The following NEMP2 variants were observed in gnomAD, a reference collection of about 807,000 sequenced individuals.
The protein encoded by NEMP2 is UPF0571 transmembrane protein.
NEMP2 carries 53 observed loss-of-function variants against 54.2 expected under a neutral mutation model. The ratio of observed to expected loss-of-function variants is 0.98; its 90% CI spans 0.78 to 1.23. The LOEUF (loss-of-function observed/expected upper bound fraction) is 1.23, where lower values mean the gene tolerates loss of function less well. NEMP2 is among the 50% of genes most tolerant of loss of function. The pLI is 0.00. For synonymous variants in NEMP2, 197 were observed against 190.3 expected (o/e 1.04, Z -0.29); for missense variants, 455 against 511.3 (o/e 0.89, Z 1.06).
At chr2:190,588,260 T>C in the NEMP2 span, among the ~76,000 whole-genome samples, 3 of 152,188 alleles carry the variant, frequency 2.0e-5, no homozygotes, top group African/African-American at 7.2e-5. The surrounding 1 kb of genome is among the most constrained non-coding windows in gnomAD (Gnocchi z 5.0). Flanking sequence ...GAACCAGAGA[T>C]GAGGCATTGA....
chr2:190,538,777 C>G (rs1691457186), upstream of NEMP2, among the ~76,000 whole-genome samples: 1 of 152,076 alleles, frequency 6.6e-6, no homozygotes, highest in South Asian at 2.1e-4. This position sits in a 1 kb window ranked among gnomAD's most constrained non-coding sequence, Gnocchi z 4.1. Flanking sequence ...AATGTCTATT[C>G]AGATCTTTTG....
chr2:190,490,627 A>G, the NEMP2 span, among the ~76,000 whole-genome samples: 204 of 152,290 alleles, frequency 1.3e-3, no homozygotes, highest in Non-Finnish European at 2.3e-3. This position sits in a 1 kb window ranked among gnomAD's most constrained non-coding sequence, Gnocchi z 4.5. Flanking sequence ...TCTCTGAACC[A>G]GGGATGCCTT....
chr2:190,514,413 C>T lies in NEMP2; in HGVS notation c.953+40G>A, dbSNP rs1355648893. The T allele has an allele frequency of 2.0e-6, 3 of 1,502,628 alleles. No homozygotes were observed. The African/African-American group carries it at 4.2e-5, about 21-fold the overall frequency. The allele number at this position is 1,502,628 out of a possible 1,614,324, so 93.1% of individuals were successfully genotyped here. Reference sequence around the variant, plus strand: ...TCTCCCAAATAATAAAACTAGAGCTCAAAATGTCAAATTTGCTGGGGGAAA... The same window carrying T: ...TCTCCCAAATAATAAAACTAGAGCTTAAAATGTCAAATTTGCTGGGGGAAA... On this transcript the variant is annotated intron_variant, in intron 7 of 8. Transcript: ENST00000409150. The surrounding 1 kb of genome is among the most constrained non-coding windows in gnomAD (Gnocchi z 5.7).
chr2:190,565,154 TA>T, the NEMP2 span, among the ~76,000 whole-genome samples: 4 of 141,932 alleles, frequency 2.8e-5, no homozygotes, highest in Non-Finnish European at 6.5e-5. Flanking sequence ...CAGGAGGAAA[TA>T]CGAATTTTTT....
chr2:190,574,639 C>T, the NEMP2 span, among the ~76,000 whole-genome samples: 1 of 152,076 alleles, frequency 6.6e-6, no homozygotes, highest in Non-Finnish European at 1.5e-5. Context: ...CATCACCTGA[C>T]CTGTCCCCCA....
the NEMP2 span, among the ~76,000 whole-genome samples, chr2:190,542,021 T>C: frequency 6.6e-6 from 1 of 152,200 alleles, no homozygotes; most frequent in Non-Finnish European, 1.5e-5. The surrounding 1 kb of genome is among the most constrained non-coding windows in gnomAD (Gnocchi z 4.6). Flanking sequence ...CCTCTCTTTG[T>C]CGTCTGAGTT....
the NEMP2 span, among the ~76,000 whole-genome samples, chr2:190,567,458 CA>C: frequency 6.6e-6 from 1 of 151,904 alleles, no homozygotes; most frequent in Non-Finnish European, 1.5e-5. The surrounding 1 kb of genome is among the most constrained non-coding windows in gnomAD (Gnocchi z 4.0). Context: ...CGGCCCACAC[CA>C]AGGCACATCA....
At chr2:190,590,399 A>C in the NEMP2 span, among the ~76,000 whole-genome samples, 327 of 152,286 alleles carry the variant, frequency 2.1e-3, 2 homozygotes, top group Non-Finnish European at 3.7e-3. The surrounding 1 kb of genome is among the most constrained non-coding windows in gnomAD (Gnocchi z 5.1). Context: ...CTTTTATCAC[A>C]AAAGTCATTC....
the NEMP2 span, among the ~76,000 whole-genome samples, chr2:190,634,095 T>A: frequency 6.6e-6 from 1 of 152,178 alleles, no homozygotes; most frequent in Non-Finnish European, 1.5e-5. The surrounding 1 kb of genome is among the most constrained non-coding windows in gnomAD (Gnocchi z 6.8). Flanking sequence ...AAGTATCAAA[T>A]GTCTGTTGTA....
In NEMP2 at chr2:190,531,179, T is replaced by C. The variant is rs895697945; in HGVS notation, c.97+3380A>G. 6.6e-6 allele frequency among the ~76,000 whole-genome samples: 1 copy of C among 152,228 alleles called. No homozygotes were observed. The highest frequency in any genetic ancestry group is 1.5e-5 in the Non-Finnish European group (1 of 68,046). ...CATTTGGTCAAAAGGGAACAATACC[T>C]GCCTAGGGAAAGCTACTGCTTCTAC... is the stretch of plus-strand genomic sequence containing the variant. On this transcript the variant is annotated intron_variant, in intron 1 of 8. Transcript: ENST00000409150. This position sits in a 1 kb window ranked among gnomAD's most constrained non-coding sequence, Gnocchi z 4.7.
the NEMP2 span, among the ~76,000 whole-genome samples, chr2:190,568,539 T>C: frequency 6.6e-6 from 1 of 152,062 alleles, no homozygotes; most frequent in Admixed American, 6.6e-5. The surrounding 1 kb of genome is among the most constrained non-coding windows in gnomAD (Gnocchi z 4.7). Flanking sequence ...TGAATAATTA[T>C]CGGCCGGGCA....
the NEMP2 span, among the ~76,000 whole-genome samples, chr2:190,570,731 A>G: frequency 6.6e-6 from 1 of 152,190 alleles, no homozygotes; most frequent in Non-Finnish European, 1.5e-5. This position sits in a 1 kb window ranked among gnomAD's most constrained non-coding sequence, Gnocchi z 5.4. Flanking sequence ...TGGATGCAAA[A>G]TGTGTTCTTT....
At chr2:190,544,489 C>G in the NEMP2 span, among the ~76,000 whole-genome samples, 1 of 152,036 alleles carries the variant, frequency 6.6e-6, no homozygotes, top group Admixed American at 6.5e-5. Flanking sequence ...TTGTGATTCT[C>G]AAATTTTGGT....
chr2:190,426,017 TGAGTTTTGGTGTGGGCA>T, the NEMP2 span, among the ~76,000 whole-genome samples: 1 of 152,202 alleles, frequency 6.6e-6, no homozygotes, highest in Non-Finnish European at 1.5e-5. This position sits in a 1 kb window ranked among gnomAD's most constrained non-coding sequence, Gnocchi z 4.7. Context: ...GTTTGACTGA[TGAGTTTTGGTGTGGGCA>T]TTTTGTTTTA....
chr2:190,440,383 CA>C, the NEMP2 span, among the ~76,000 whole-genome samples: 39 of 152,136 alleles, frequency 2.6e-4, no homozygotes, highest in Non-Finnish European at 5.1e-4. Flanking sequence ...GTGACTTTCT[CA>C]GGCAAATAGG....
At chr2:190,618,488 T>G in the NEMP2 span, among the ~76,000 whole-genome samples, 5 of 152,076 alleles carry the variant, frequency 3.3e-5, no homozygotes, top group African/African-American at 1.2e-4. Flanking sequence ...GCTTCTCCCA[T>G]CCCTCCTTCC....
In NEMP2 at chr2:190,516,334, A is replaced by G. The variant is rs1365542161; in HGVS notation, c.663T>C (p.Tyr221=). The G allele has an allele frequency of 6.4e-7, 1 of 1,551,626 alleles. No homozygotes were observed. Among genetic ancestry groups the G allele is most frequent in the African/African-American group, 1.4e-5 (1 of 73,054 alleles). ...LMVGCWFASV[Y]IVCQLMEDLK... Reference sequence around the variant, plus strand: ...GATCTTCCATCAACTGGCATACAATATAAACTGAGGCAAACCAACAACCAA... The same window carrying G: ...GATCTTCCATCAACTGGCATACAATGTAAACTGAGGCAAACCAACAACCAA... The change falls in exon 6 of 9, where the codon TAT becomes TAC. Residue 221 remains tyrosine, a synonymous_variant. Transcript: ENST00000409150.
the NEMP2 span, among the ~76,000 whole-genome samples, chr2:190,572,847 A>G: frequency 1.1e-4 from 12 of 109,250 alleles, no homozygotes; most frequent in African/African-American, 3.9e-4. Flanking sequence ...ATATATATAT[A>G]TATATATATA....
At chr2:190,474,877 T>G in the NEMP2 span, among the ~76,000 whole-genome samples, 3 of 152,292 alleles carry the variant, frequency 2.0e-5, no homozygotes, top group South Asian at 4.1e-4. Flanking sequence ...CATGATCAAG[T>G]GGGCTTCATC....
Sources: gnomAD v4.1 joint callset for allele counts (sites outside exome capture counted in the v4.1 genomes callset) on GRCh38, gnomAD v4.1.1 for gene constraint, Gnocchi (gnomAD v3.1) non-coding constraint, MANE v1.5 for transcripts, NCBI Gene and HGNC (gene_info 2026-07-23, HGNC 2026-07-21) for gene names.